WFDC9: variants seen among roughly 807,000 people sequenced by gnomAD.
The protein encoded by WFDC9 is protein WFDC9.
WFDC9 carries 9 observed loss-of-function variants against 9.5 expected under a neutral mutation model. The observed-to-expected ratio is 0.95, with a 90% CI of 0.57 to 1.65. WFDC9 has a LOEUF of 1.65. Among genes scored for constraint, WFDC9 ranks in the 40% most tolerant of loss-of-function variants. The pLI, the probability that WFDC9 is intolerant of heterozygous loss-of-function variation, is 0.00. For synonymous variants in WFDC9, 33 were observed against 32.3 expected (o/e 1.02, Z -0.07); for missense variants, 87 against 106.7 (o/e 0.82, Z 0.81).
At chr20:45,617,732 C>A (rs1474732202) in intron 1 of WFDC9, among the ~76,000 whole-genome samples, 1 of 152,094 alleles carries the variant, frequency 6.6e-6, no homozygotes, top group African/African-American at 2.4e-5. Context: ...AAACAATCTT[C>A]CCCCACTCAA....
chr20:45,623,365 C>A (rs548276035), intron 1 of WFDC9, among the ~76,000 whole-genome samples: 1 of 151,986 alleles, frequency 6.6e-6, no homozygotes, highest in Non-Finnish European at 1.5e-5. Context: ...TTAGGCCAGG[C>A]GTGGTGGCTC....
At chr20:45,623,690 A>G (rs1031152439) in intron 1 of WFDC9, among the ~76,000 whole-genome samples, 7 of 152,126 alleles carry the variant, frequency 4.6e-5, no homozygotes, top group Admixed American at 1.3e-4. Flanking sequence ...ATACATAGTG[A>G]TGTTTCAATA....
intron 1 of WFDC9, among the ~76,000 whole-genome samples, chr20:45,623,202 G>A (rs749646173): frequency 6.6e-6 from 1 of 152,040 alleles, no homozygotes; most frequent in Non-Finnish European, 1.5e-5. Context: ...GCAAACAGAT[G>A]GAAGCTTCAA....
intron 1 of WFDC9, among the ~76,000 whole-genome samples, chr20:45,623,813 A>G (rs2145601178): frequency 6.6e-6 from 1 of 152,248 alleles, no homozygotes; most frequent in Non-Finnish European, 1.5e-5. Context: ...ATTTGAAATT[A>G]TATTATTCTT....
chr20:45,613,814 G>A (rs1220960780), intron 2 of WFDC9, among the ~76,000 whole-genome samples: 3 of 152,142 alleles, frequency 2.0e-5, no homozygotes, highest in Non-Finnish European at 2.9e-5. Context: ...CTGATTATGT[G>A]AATATACCAG....
chr20:45,618,826 G>A (rs541943745), intron 1 of WFDC9, among the ~76,000 whole-genome samples: 1 of 152,284 alleles, frequency 6.6e-6, no homozygotes, highest in East Asian at 1.9e-4. Context: ...GTGACACAAA[G>A]ACATAAGTGA....
Position 45,631,213 on chromosome 20 carries a change from G to T in WFDC9, c.-163C>A. 2.0e-6 allele frequency: 1 copy of T among 500,260 alleles called. No individual in the cohort carries two copies. Among genetic ancestry groups the T allele is most frequent in the Non-Finnish European group, 3.2e-6 (1 of 311,058 alleles). The allele number at this position is 500,260 out of a possible 1,614,324, so 31.0% of individuals were successfully genotyped here. On this transcript the variant is annotated 5_prime_UTR_variant, in exon 1 of 5. Transcript: ENST00000326000. ...GCCCAGGGATCCTACCTCTTTTGCT[G>T]CCACTACAGATGATCATTGAGAGCT...
chr20:45,619,426 A>G (rs145607280), intron 1 of WFDC9, among the ~76,000 whole-genome samples: 2,108 of 152,328 alleles, frequency 0.014, 88 homozygotes, highest in Admixed American at 0.097. Context: ...TAGCAAAGCT[A>G]TCCTTTCCTG....
At chr20:45,613,312 G>C (rs994110297) in intron 2 of WFDC9, among the ~76,000 whole-genome samples, 2 of 152,102 alleles carry the variant, frequency 1.3e-5, no homozygotes, top group Admixed American at 6.5e-5. Context: ...AAGTTCTACT[G>C]AACAATGCTG....
chr20:45,616,261 C>T (rs920730339), intron 1 of WFDC9, among the ~76,000 whole-genome samples: 5 of 152,188 alleles, frequency 3.3e-5, no homozygotes, highest in Admixed American at 6.5e-5. Context: ...AGCATCTTCA[C>T]CAGGAGCAGA....
At chr20:45,620,357 A>G (rs1982069665) in intron 1 of WFDC9, among the ~76,000 whole-genome samples, 1 of 152,104 alleles carries the variant, frequency 6.6e-6, no homozygotes, top group South Asian at 2.1e-4. Flanking sequence ...TTTTGGAGGC[A>G]GAGGTGGGTG....
At chr20:45,608,539 G>A (rs530107270) in intron 4 of WFDC9, 124 bp downstream of exon 4, 56 of 1,194,780 alleles carry the variant, frequency 4.7e-5, no homozygotes, top group Middle Eastern at 2.4e-4. Context: ...GAGATAGGAG[G>A]ACATTGTCTT....
intron 2 of WFDC9, among the ~76,000 whole-genome samples, chr20:45,613,625 G>A (rs1309633270): frequency 6.6e-6 from 1 of 152,160 alleles, no homozygotes; most frequent in Non-Finnish European, 1.5e-5. Context: ...GAAGCTTGGA[G>A]AGCAGGAATA....
At chr20:45,629,851 G>A in intron 1 of WFDC9, 1 of 1,614,070 alleles carries the variant, frequency 6.2e-7, no homozygotes, top group Non-Finnish European at 8.5e-7. Flanking sequence ...CTGGTTCTCT[G>A]TGTGCTGCTG....
rs991246143 is a variant in WFDC9, at chr20:45,627,472, T to G, written c.-153+3731A>C. Reference sequence around the variant, plus strand: ...CTGGACTTTTGTTTCAGGGGAGACTTTTTATTACTGATTCAATCTCCTTAC... The same window carrying G: ...CTGGACTTTTGTTTCAGGGGAGACTGTTTATTACTGATTCAATCTCCTTAC... On this transcript the variant is annotated intron_variant, in intron 1 of 4. Transcript: ENST00000326000. Among the ~76,000 whole-genome samples the G allele has an allele frequency of 3.9e-5, 6 of 152,350 alleles. No individual in the cohort carries two copies. The South Asian group carries it at 8.3e-4, about 21-fold the overall frequency.
At chr20:45,618,132 GC>G (rs1166697030) in intron 1 of WFDC9, among the ~76,000 whole-genome samples, 1 of 152,118 alleles carries the variant, frequency 6.6e-6, no homozygotes, top group Non-Finnish European at 1.5e-5. Context: ...TTTAGAGAGG[GC>G]TTCTTTCCTT....
chr20:45,622,480 T>C (rs1982123573), intron 1 of WFDC9, among the ~76,000 whole-genome samples: 2 of 152,244 alleles, frequency 1.3e-5, no homozygotes, highest in South Asian at 2.1e-4. Context: ...AACTACTATT[T>C]GGATGTTTAC....
chr20:45,614,271 C>T (rs1053696723), intron 2 of WFDC9, among the ~76,000 whole-genome samples: 2 of 152,148 alleles, frequency 1.3e-5, no homozygotes, highest in African/African-American at 4.8e-5. Flanking sequence ...CTCAACTTCT[C>T]ATATACAGAG....
At position 45,631,218 on chromosome 20, in the gene WFDC9, T is replaced by A; in HGVS notation, c.-168A>T. 1 of 474,584 alleles carries A rather than the reference T, an allele frequency of 2.1e-6. No homozygotes were observed. The highest frequency in any genetic ancestry group is 3.4e-6 in the Non-Finnish European group (1 of 290,952). 29.4% of individuals were successfully genotyped at this position (474,584 alleles called of 1,614,324 possible). A position where few individuals can be genotyped will look rare whatever the true frequency, so the allele number is the denominator to read the frequency against. ...GGGATCCTACCTCTTTTGCTGCCAC[T>A]ACAGATGATCATTGAGAGCTCACTG... is the stretch of plus-strand genomic sequence containing the variant. On this transcript the variant is annotated 5_prime_UTR_variant, in exon 1 of 5. Coordinates refer to ENST00000326000, the MANE Select transcript of WFDC9 (RefSeq NM_147198.4).
Sources: allele counts gnomAD v4.1 joint callset (sites outside exome capture counted in the v4.1 genomes callset), GRCh38; gene constraint gnomAD v4.1.1; transcripts MANE v1.5; gene names NCBI Gene and HGNC (gene_info 2026-07-23, HGNC 2026-07-21).